The following ARHGEF2 variants were observed in gnomAD, a reference collection of about 807,000 sequenced individuals.
ARHGEF2 encodes the protein Rho/Rac guanine nucleotide exchange factor 2.
A neutral mutation model predicts 121.0 loss-of-function variants in ARHGEF2; 22 were observed. The observed-to-expected ratio is 0.18, with a 90% CI of 0.13 to 0.26. The LOEUF is 0.26. Ranked by LOEUF, ARHGEF2 falls within the 10% of genes least tolerant of loss-of-function variation. The probability of loss-of-function intolerance (pLI) is 1.00; values close to 1 mark genes in which losing one functional copy is unlikely to be tolerated. For missense variants in ARHGEF2, 907 were observed against 1,336.0 expected, an observed-to-expected ratio of 0.68 and a Z score of 5.01; for synonymous variants, 487 against 530.0, an observed-to-expected ratio of 0.92 and a Z score of 1.11.
At chr1:155,978,707 T>C (rs1681805326), upstream of ARHGEF2, 9 of 882,468 alleles carry the variant, frequency 1.0e-5, no homozygotes, top group Non-Finnish European at 1.0e-5. This position sits in a 1 kb window ranked among gnomAD's most constrained non-coding sequence, Gnocchi z 4.1. Context: ...ACGAGGGTCC[T>C]AGGACAGGTT....
At chr1:155,977,493 A>G (rs1189810293) in intron 1 of ARHGEF2, among the ~76,000 whole-genome samples, 1 of 152,150 alleles carries the variant, frequency 6.6e-6, no homozygotes, top group Non-Finnish European at 1.5e-5. Context: ...CAAGACGAGC[A>G]GATAAGAGAA....
At chr1:155,959,508 G>A (rs938345813) in intron 11 of ARHGEF2, among the ~76,000 whole-genome samples, 5 of 150,674 alleles carry the variant, frequency 3.3e-5, no homozygotes, top group Non-Finnish European at 5.9e-5. Context: ...TTGGCCTGCC[G>A]AAGTGCTGGG....
chr1:155,978,636 GGCGGGGT>G, upstream of ARHGEF2: 1 of 1,226,564 alleles, frequency 8.2e-7, no homozygotes, highest in Non-Finnish European at 1.0e-6. This position sits in a 1 kb window ranked among gnomAD's most constrained non-coding sequence, Gnocchi z 4.1. Context: ...GCGGAGGGAG[GGCGGGGT>G]GCCCGCGCGC....
At position 155,978,266 on chromosome 1, in the gene ARHGEF2, C is replaced by A; in HGVS notation, c.63+99G>T. On this transcript the variant is annotated intron_variant, in intron 1 of 21. Transcript: ENST00000361247. The surrounding 1 kb of genome is among the most constrained non-coding windows in gnomAD (Gnocchi z 4.1). ...TCCACCGCTCCGCCCGATTTTGGCGCCCAGAAAGCAGGCGGGGAGACAGGA... is the reference window on the plus strand; with the variant it reads ...TCCACCGCTCCGCCCGATTTTGGCGACCAGAAAGCAGGCGGGGAGACAGGA... 1 of 1,352,128 alleles carries A rather than the reference C, an allele frequency of 7.4e-7. No homozygotes were observed. Among genetic ancestry groups the A allele is most frequent in the Non-Finnish European group, 9.7e-7 (1 of 1,032,308 alleles). The allele number at this position is 1,352,128 out of a possible 1,614,324, so 83.8% of individuals were successfully genotyped here.
rs1678274615 is a variant in ARHGEF2 at position 155,962,997 on chromosome 1, G to C, written c.911C>G (p.Ala304Gly). 2 of 1,614,048 alleles carry C rather than the reference G, an allele frequency of 1.2e-6. No homozygotes were observed. The highest frequency in any genetic ancestry group is 1.7e-6 in the Non-Finnish European group (2 of 1,180,028). ...GTTCCGGGTGCTGCCAGGGCACAGG[G>C]CCTGGCGTCGGCGTTCTAATAGCTG... is the stretch of plus-strand genomic sequence containing the variant. ...LSQLLERRRQ[A>G]LCPGSTRNFV... is the part of the protein sequence containing the mutation. The change falls in exon 8 of 22, where the codon GCC becomes GGC. Residue 304 changes from alanine to glycine, a missense_variant. Transcript: ENST00000361247. This position sits in a 1 kb window ranked among gnomAD's most constrained non-coding sequence, Gnocchi z 5.8.
chr1:155,956,887 CA>C (rs34831517), intron 13 of ARHGEF2, among the ~76,000 whole-genome samples: 39 of 80,388 alleles, frequency 4.9e-4, no homozygotes, highest in Admixed American at 1.1e-3. Context: ...ACTCTGTCTC[CA>C]AAAAAAAAAA....
At chr1:155,954,284 T>TC (rs1156423388) in intron 14 of ARHGEF2, among the ~76,000 whole-genome samples, 3 of 138,090 alleles carry the variant, frequency 2.2e-5, no homozygotes, top group African/African-American at 5.2e-5. Flanking sequence ...ATCTACTTCT[T>TC]TTTTTTTTTT....
rs1347407175 is a variant in ARHGEF2 at position 155,961,411 on chromosome 1, A to G, written c.1468+250T>C. Among the ~76,000 whole-genome samples, 1 of 151,172 alleles carries G rather than the reference A, an allele frequency of 6.6e-6. No homozygotes were observed. Among genetic ancestry groups the G allele is most frequent in the Admixed American group, 6.6e-5 (1 of 15,130 alleles). ...TGCCTCAGCCTCCTGAGTAGCTGGG[A>G]CTATAGGCGCCCACCACCACGCCCG... On this transcript the variant is annotated intron_variant, in intron 11 of 21. Coordinates refer to ENST00000361247, the MANE Select transcript of ARHGEF2 (RefSeq NM_001162383.2). The surrounding 1 kb of genome is among the most constrained non-coding windows in gnomAD (Gnocchi z 4.7).
upstream of ARHGEF2, chr1:155,978,632 G>C (rs896564474): frequency 2.6e-5 from 32 of 1,233,770 alleles, no homozygotes; most frequent in Non-Finnish European, 3.3e-5. The surrounding 1 kb of genome is among the most constrained non-coding windows in gnomAD (Gnocchi z 4.1). Flanking sequence ...CGGAGCGGAG[G>C]GAGGGCGGGG....
At chr1:155,972,035 T>C (rs953650635) in intron 1 of ARHGEF2, among the ~76,000 whole-genome samples, 2 of 151,962 alleles carry the variant, frequency 1.3e-5, no homozygotes, top group Non-Finnish European at 2.9e-5. Flanking sequence ...ACGAGTACTC[T>C]CTTCCACACC....
At chr1:155,969,341 A>C in intron 1 of ARHGEF2, 41 bp from the exon 2 acceptor site, 2 of 1,610,714 alleles carry the variant, frequency 1.2e-6, no homozygotes, top group East Asian at 4.5e-5. Flanking sequence ...AGGCTGGAAA[A>C]TGCCAGGGTG....
intron 2 of ARHGEF2, chr1:155,968,194 TTTTC>T (rs1279816734): frequency 6.8e-5 from 7 of 102,362 alleles, no homozygotes; most frequent in African/African-American, 1.4e-4. Context: ...ACTGGTTTTC[TTTTC>T]TTTCTTTTTT....
In ARHGEF2 at chr1:155,962,003, A is replaced by G. The variant is rs1572123480; in HGVS notation, c.1220-94T>C. The G allele has an allele frequency of 3.7e-6, 6 of 1,601,996 alleles. No individual in the cohort carries two copies. Among genetic ancestry groups the G allele is most frequent in the Non-Finnish European group, 5.1e-6 (6 of 1,171,702 alleles). ...TTGATTCCACCTTTAGAGGCTGCCC[A>G]GGGTTTCACACCCGACCCCACCCTT... is the stretch of plus-strand genomic sequence containing the variant. On this transcript the variant is annotated intron_variant, in intron 10 of 21. Coordinates refer to ENST00000361247, the MANE Select transcript of ARHGEF2 (RefSeq NM_001162383.2). This position sits in a 1 kb window ranked among gnomAD's most constrained non-coding sequence, Gnocchi z 5.8.
chr1:155,952,230 C>A lies in ARHGEF2; in HGVS notation c.1990G>T (p.Gly664Cys). ...LLQDAIREVE[G>C]LKDLLVGPGV... is the part of the protein sequence containing the mutation. ...GGCCCCACCAGCAGGTCTTTCAGAC[C>A]CTCCACTGTGGGGAAAGAGGAAGAG... The change falls in exon 16 of 22, where the codon GGT becomes TGT. Residue 664 changes from glycine to cysteine, a missense_variant. By Grantham distance (159) the Gly-to-Cys change is radical (BLOSUM62 -3). This residue lies in a region of ARHGEF2 where 432 missense variants were observed against 559.5 expected (regional missense o/e 0.77). Coordinates refer to ENST00000361247, the MANE Select transcript of ARHGEF2 (RefSeq NM_001162383.2). The A allele has an allele frequency of 6.2e-7, 1 of 1,614,058 alleles. No homozygotes were observed. Among genetic ancestry groups the A allele is most frequent in the Middle Eastern group, 1.7e-4 (1 of 6,052 alleles).
At position 155,951,477 on chromosome 1, in the gene ARHGEF2, A is replaced by G; in HGVS notation, c.2259+6T>C. The stretch of plus-strand genomic sequence containing the variant: ...CCTTCCCCATTCAAGCCCTTGTCCT[A>G]CTGACCTGTAGGCCATGTAGAAGTC... On this transcript the variant is annotated splice_donor_region_variant and intron_variant, in intron 19 of 21. Coordinates refer to ENST00000361247, the MANE Select transcript of ARHGEF2 (RefSeq NM_001162383.2). The surrounding 1 kb of genome is among the most constrained non-coding windows in gnomAD (Gnocchi z 5.1). The G allele has an allele frequency of 6.2e-7, 1 of 1,614,096 alleles. No homozygotes were observed. The highest frequency in any genetic ancestry group is 8.5e-7 in the Non-Finnish European group (1 of 1,179,992).
rs920049636 is a variant in ARHGEF2 at position 155,963,678 on chromosome 1, T to G, written c.725-495A>C. 4.0e-5 allele frequency among the ~76,000 whole-genome samples: 6 copies of G among 149,454 alleles called. No individual in the cohort carries two copies. In the East Asian group the frequency reaches 1.2e-3, roughly 30 times the overall value. On this transcript the variant is annotated intron_variant, in intron 7 of 21. Coordinates refer to ENST00000361247, the MANE Select transcript of ARHGEF2 (RefSeq NM_001162383.2). ...ATCTTTCAAAAATTTTATTATTATTTTTTTTTTTCCAGAAATGAGGTCTTA... is the reference window on the plus strand; with the variant it reads ...ATCTTTCAAAAATTTTATTATTATTGTTTTTTTTCCAGAAATGAGGTCTTA...
chr1:155,966,364 C>G (rs1210591846), intron 4 of ARHGEF2, 52 bp downstream of exon 4: 12 of 1,581,088 alleles, frequency 7.6e-6, no homozygotes, highest in Non-Finnish European at 9.6e-6. Context: ...ATGGGTTGAG[C>G]AGCCTGGGGT....
upstream of ARHGEF2, chr1:155,979,334 C>T (rs998583227): frequency 2.0e-6 from 2 of 985,330 alleles, no homozygotes; most frequent in Non-Finnish European, 2.4e-6. Context: ...AACTGAAAGA[C>T]CAGAAACCAG....
Position 155,962,961 on chromosome 1 carries a change from T to C in ARHGEF2, c.947A>G (p.His316Arg), listed in dbSNP as rs1321890103. The C allele has an allele frequency of 6.2e-7, 1 of 1,614,176 alleles. No individual in the cohort carries two copies. The highest frequency in any genetic ancestry group is 2.2e-5 in the East Asian group (1 of 44,878). Residue 316 changes from histidine to arginine, a missense_variant, in exon 8 of 22, where the codon CAT becomes CGT. This residue lies in a region of ARHGEF2 where 475 missense variants were observed against 776.5 expected (regional missense o/e 0.61). Transcript: ENST00000361247. The surrounding 1 kb of genome is among the most constrained non-coding windows in gnomAD (Gnocchi z 5.8). ...CPGSTRNFVI[H>R]RLGDLLISQF... Reference sequence around the variant, plus strand: ...GCTGATGAGCAGATCACCCAAGCGATGGATGACAAAGTTCCGGGTGCTGCC... The same window carrying C: ...GCTGATGAGCAGATCACCCAAGCGACGGATGACAAAGTTCCGGGTGCTGCC...
Sources: allele counts gnomAD v4.1 joint callset (sites outside exome capture counted in the v4.1 genomes callset), GRCh38; gene constraint gnomAD v4.1.1; regional missense constraint gnomAD v4.1.1; non-coding constraint Gnocchi (gnomAD v3.1); transcripts MANE v1.5; gene names NCBI Gene and HGNC (gene_info 2026-07-23, HGNC 2026-07-21).